Variants in CCDC47 observed in about 807,000 individuals in gnomAD.
CCDC47 encodes coiled-coil domain containing 47.
Under a neutral mutation model 60.5 loss-of-function variants are expected in CCDC47, and 41 were observed. The observed-to-expected ratio is 0.68, with a 90% confidence interval of 0.53 to 0.88. The LOEUF is 0.88. Ranked by LOEUF, CCDC47 falls within the 40% of genes least tolerant of loss-of-function variation. The pLI, the probability that CCDC47 is intolerant of heterozygous loss-of-function variation, is 0.00. For synonymous variants in CCDC47, 195 were observed against 190.7 expected (o/e 1.02, Z -0.18); for missense variants, 513 against 580.9 (o/e 0.88, Z 1.20).
In CCDC47 at chr17:63,745,600, G is replaced by A. The variant is rs2039115073; in HGVS notation, c.*1281C>T. On this transcript the variant is annotated 3_prime_UTR_variant, in exon 13 of 13. Coordinates refer to ENST00000225726, the MANE Select transcript of CCDC47 (RefSeq NM_020198.3). ...AAGTTTCCATGCAGTTACAAAGGCA[G>A]CAGCACATGCTGTTTTCACAGCAAC... 6.6e-6 allele frequency: 1 copy of A among 152,148 alleles called. No homozygotes were observed. Among genetic ancestry groups the A allele is most frequent in the Non-Finnish European group, 1.5e-5 (1 of 68,022 alleles). 9.4% of individuals were successfully genotyped at this position (152,148 alleles called of 1,614,324 possible).
chr17:63,757,256 C>T (rs1397033931), intron 6 of CCDC47, among the ~76,000 whole-genome samples: 1 of 151,170 alleles, frequency 6.6e-6, no homozygotes, highest in African/African-American at 2.4e-5. Context: ...CCTGTAGTCC[C>T]AGCTACTCAA....
At chr17:63,769,107 C>T (rs1202836057) in intron 1 of CCDC47, among the ~76,000 whole-genome samples, 2 of 151,082 alleles carry the variant, frequency 1.3e-5, no homozygotes, top group East Asian at 3.9e-4. Flanking sequence ...AAAAATTAGC[C>T]AAGTCTGGTG....
chr17:63,752,402 T>A lies in CCDC47; in HGVS notation c.1121A>T (p.Lys374Met). ...NVPGSGNTYPKDMEALLPLMN... is the reference protein window; with the variant it reads ...NVPGSGNTYPMDMEALLPLMN... ...CAGGGGTAGCAGTGCCTCCATATCCTTTGGGTAAGTGTTACCTGAGCCAGG... is the reference window on the plus strand; with the variant it reads ...CAGGGGTAGCAGTGCCTCCATATCCATTGGGTAAGTGTTACCTGAGCCAGG... Residue 374 changes from lysine to methionine, a missense_variant, in exon 11 of 13, where the codon AAG (lysine) becomes ATG (methionine). Coordinates refer to ENST00000225726, the MANE Select transcript of CCDC47 (RefSeq NM_020198.3). 6.2e-7 allele frequency: 1 copy of A among 1,613,554 alleles called. No homozygotes were observed. The highest frequency in any genetic ancestry group is 2.2e-5 in the East Asian group (1 of 44,870).
At chr17:63,758,594 A>G (rs1041304967) in intron 6 of CCDC47, among the ~76,000 whole-genome samples, 1 of 152,300 alleles carries the variant, frequency 6.6e-6, no homozygotes, top group South Asian at 2.1e-4. Context: ...GTTGGTATAC[A>G]GAGAATCTGA....
chr17:63,754,790 C>T (rs7217982), intron 8 of CCDC47, among the ~76,000 whole-genome samples: 42,174 of 150,626 alleles, frequency 0.28, 6,239 homozygotes, highest in Middle Eastern at 0.37. Context: ...GGCTGAGGCA[C>T]GAGAAGCGTT....
At chr17:63,754,979 TTTA>T (rs2039194908) in intron 8 of CCDC47, among the ~76,000 whole-genome samples, 1 of 152,200 alleles carries the variant, frequency 6.6e-6, no homozygotes. Context: ...TTGCTTTTTA[TTTA>T]TTTTTTGTGA....
At chr17:63,754,681 G>A (rs1387612385) in intron 8 of CCDC47, among the ~76,000 whole-genome samples, 163 bp from the exon 9 acceptor site, 2 of 152,000 alleles carry the variant, frequency 1.3e-5, no homozygotes, top group African/African-American at 2.4e-5. Flanking sequence ...GAGAATTTGA[G>A]ATCAGCCTGG....
chr17:63,770,718 G>T (rs559058885), intron 1 of CCDC47, among the ~76,000 whole-genome samples: 1 of 152,032 alleles, frequency 6.6e-6, no homozygotes, highest in Non-Finnish European at 1.5e-5. Flanking sequence ...GGGCGCAGTG[G>T]CTCACACCTG....
intron 6 of CCDC47, among the ~76,000 whole-genome samples, chr17:63,759,691 T>C: frequency 6.7e-6 from 1 of 149,870 alleles, no homozygotes; most frequent in East Asian, 2.0e-4. Context: ...ATCTATCTCT[T>C]GTTCTATTAT....
intron 1 of CCDC47, among the ~76,000 whole-genome samples, chr17:63,767,580 T>C (rs1186843487): frequency 6.6e-6 from 1 of 152,140 alleles, no homozygotes; most frequent in African/African-American, 2.4e-5. Flanking sequence ...ACACCAGCCC[T>C]ATGTCATAAC....
rs1161033742 is a variant in CCDC47 at position 63,759,490 on chromosome 17, C to CA, written c.735+1423dup. Among the ~76,000 whole-genome samples the CA allele has an allele frequency of 4.8e-3, 26 of 5,374 alleles. 4 individuals carry two copies. Among genetic ancestry groups the CA allele is most frequent in the Non-Finnish European group, 6.0e-3 (23 of 3,822 alleles). The allele number at this position is 5,374 out of a possible 152,430, so 3.5% of individuals were successfully genotyped here. A position where few individuals can be genotyped will look rare whatever the true frequency, so the allele number is the denominator to read the frequency against. ...GGTGATAGAGTGAGATTCTGTCTCC[C>CA]AAAAAAAAAAAAAAAAAAATATATA... On this transcript the variant is annotated intron_variant, in intron 6 of 12. Transcript: ENST00000225726.
At chr17:63,761,020 CCTA>C in intron 5 of CCDC47, 41 bp from the exon 6 acceptor site, 1 of 1,521,950 alleles carries the variant, frequency 6.6e-7, no homozygotes, top group Non-Finnish European at 9.1e-7. Context: ...AACTGCAACT[CCTA>C]CTTAGTATAA....
intron 12 of CCDC47, chr17:63,747,380 C>T (rs1458448943): frequency 1.9e-5 from 19 of 983,972 alleles, no homozygotes; most frequent in Non-Finnish European, 2.3e-5. Flanking sequence ...AATCTTGTTC[C>T]ATCAGGTTAT....
intron 6 of CCDC47, 96 bp from the exon 7 acceptor site, chr17:63,756,666 C>A: frequency 3.9e-6 from 3 of 764,380 alleles, no homozygotes; most frequent in Non-Finnish European, 6.7e-6. Flanking sequence ...CCCGCTGGTG[C>A]ATATACTCTC....
intron 12 of CCDC47, among the ~76,000 whole-genome samples, chr17:63,748,328 G>A (rs2039135652): frequency 6.6e-6 from 1 of 152,124 alleles, no homozygotes; most frequent in Non-Finnish European, 1.5e-5. Context: ...GGCCAGGCTG[G>A]TGTTGAACTC....
intron 6 of CCDC47, among the ~76,000 whole-genome samples, chr17:63,759,996 A>G (rs970072207): frequency 2.0e-5 from 3 of 148,546 alleles, no homozygotes; most frequent in Non-Finnish European, 4.4e-5. Context: ...TCCAGGAGGC[A>G]GAGATTGCAG....
rs1326863965 is a variant in CCDC47, at chr17:63,745,871, T to C, written c.*1010A>G. 5 of 152,196 alleles carry C rather than the reference T, an allele frequency of 3.3e-5. No homozygotes were observed. The highest frequency in any genetic ancestry group is 9.7e-5 in the African/African-American group (4 of 41,444). 9.4% of individuals were successfully genotyped at this position (152,196 alleles called of 1,614,324 possible). On this transcript the variant is annotated 3_prime_UTR_variant, in exon 13 of 13. Transcript: ENST00000225726. ...GTTCCGCAAGAGGTGGAAAGAACTC[T>C]CAATAGTTTAGGAAAGCTCATTTTC...
In CCDC47 at chr17:63,766,132, C is replaced by T; in HGVS notation, c.44G>A (p.Gly15Glu). 25 of 1,613,960 alleles carry T rather than the reference C, an allele frequency of 1.5e-5. No homozygotes were observed. The highest frequency in any genetic ancestry group is 2.1e-5 in the Non-Finnish European group (25 of 1,179,980). The change falls in exon 2 of 13, where the codon GGG (glycine) becomes GAG (glutamate). Residue 15 changes from glycine to glutamate, a missense_variant. Gly to Glu is a moderately conservative substitution (Grantham distance 98). Transcript: ENST00000225726. ...HTFCVVLLVF[G>E]SVSEAKFDDF... ...ATCAAACTTGGCTTCAGAGACACTC[C>T]CAAACACCAGAAGGACAACACAGAA...
intron 12 of CCDC47, among the ~76,000 whole-genome samples, chr17:63,750,152 G>A (rs1247240685): frequency 6.6e-6 from 1 of 152,138 alleles, no homozygotes; most frequent in Non-Finnish European, 1.5e-5. Flanking sequence ...CTCAGGTTAA[G>A]TTTCAGGCCC....
Sources: allele counts gnomAD v4.1 joint callset (sites outside exome capture counted in the v4.1 genomes callset), GRCh38; gene constraint gnomAD v4.1.1; transcripts MANE v1.5; gene names NCBI Gene and HGNC (gene_info 2026-07-23, HGNC 2026-07-21).